The following EPS8 variants were observed in gnomAD, a reference collection of about 807,000 sequenced individuals.
The protein encoded by EPS8 is epidermal growth factor receptor kinase substrate 8.
In EPS8, 42 loss-of-function variants were observed where a neutral mutation model predicts 103.8. The ratio of observed to expected loss-of-function variants is 0.40; its 90% CI spans 0.32 to 0.52. The LOEUF (loss-of-function observed/expected upper bound fraction) is 0.52. Ranked by LOEUF, EPS8 falls within the 20% of genes least tolerant of loss-of-function variation. The pLI, the probability that EPS8 is intolerant of heterozygous loss-of-function variation, is 0.40. For synonymous variants in EPS8, 344 were observed against 344.6 expected (o/e 1.00, Z 0.02); for missense variants, 969 against 1,005.1 (o/e 0.96, Z 0.49).
rs1031503644 is a variant in EPS8 at position 15,780,383 on chromosome 12, A to G, written c.-22+8778T>C. 1.3e-5 allele frequency among the ~76,000 whole-genome samples: 2 copies of G among 151,692 alleles called. No homozygotes were observed. The highest frequency in any genetic ancestry group is 4.8e-5 in the African/African-American group (2 of 41,256). On this transcript the variant is annotated intron_variant, in intron 1 of 20. Coordinates refer to ENST00000281172, the MANE Select transcript of EPS8 (RefSeq NM_004447.6). The surrounding 1 kb of genome is among the most constrained non-coding windows in gnomAD (Gnocchi z 4.1). ...ATGAGCGTCTCGCTTTGCCTCAAAA[A>G]TTCATTCTATGAGACTCAAACATCA...
chr12:15,636,393 T>A (rs1019827162), intron 17 of EPS8, among the ~76,000 whole-genome samples: 2 of 152,226 alleles, frequency 1.3e-5, no homozygotes, highest in Non-Finnish European at 2.9e-5. Context: ...AAAACTTTGC[T>A]GAAGCCATGG....
At chr12:15,758,165 T>C (rs183740377) in intron 1 of EPS8, among the ~76,000 whole-genome samples, 51 of 152,340 alleles carry the variant, frequency 3.3e-4, no homozygotes, top group Admixed American at 7.2e-4. Context: ...GTCAGTCACA[T>C]GCCCTTGTCC....
At chr12:15,628,987 T>C (rs1306456098) in intron 18 of EPS8, among the ~76,000 whole-genome samples, 2 of 152,206 alleles carry the variant, frequency 1.3e-5, no homozygotes, top group East Asian at 3.8e-4. Context: ...TAAAAAGAAA[T>C]ATATTTATTT....
intron 1 of EPS8, among the ~76,000 whole-genome samples, chr12:15,689,255 C>A (rs940088771): frequency 6.6e-6 from 1 of 151,648 alleles, no homozygotes; most frequent in Non-Finnish European, 1.5e-5. Flanking sequence ...ATCAACTCTT[C>A]TTAAAATAAG....
At chr12:15,726,144 C>A (rs1390965379) in intron 1 of EPS8, among the ~76,000 whole-genome samples, 1 of 152,034 alleles carries the variant, frequency 6.6e-6, no homozygotes, top group East Asian at 1.9e-4. Context: ...GAGCTGATAT[C>A]TGAGGACTAT....
In EPS8 at chr12:15,655,599, G is replaced by C. The variant is rs530031876; in HGVS notation, c.1102-1306C>G. On this transcript the variant is annotated intron_variant, in intron 12 of 20. Coordinates refer to ENST00000281172, the MANE Select transcript of EPS8 (RefSeq NM_004447.6). ...ACAGTAATTTTTAACTTCCAACCTC[G>C]AACGCATTTCCAATAAATATGTAGC... Among the ~76,000 whole-genome samples the C allele has an allele frequency of 7.9e-5, 12 of 152,092 alleles. No homozygotes were observed. The South Asian group carries it at 2.5e-3, about 32-fold the overall frequency.
chr12:15,718,692 G>C (rs562740107), intron 1 of EPS8, among the ~76,000 whole-genome samples: 7 of 152,234 alleles, frequency 4.6e-5, no homozygotes, highest in African/African-American at 1.7e-4. Context: ...CAGCTAGCTG[G>C]ACATGTTGGT....
chr12:15,639,042 A>G (rs2135749741), intron 17 of EPS8, among the ~76,000 whole-genome samples: 1 of 152,342 alleles, frequency 6.6e-6, no homozygotes, highest in South Asian at 2.1e-4. Context: ...GCTTATTCCT[A>G]GCAACCACAC....
intron 1 of EPS8, among the ~76,000 whole-genome samples, chr12:15,754,421 CA>C (rs1452782568): frequency 7.2e-5 from 11 of 151,946 alleles, no homozygotes; most frequent in African/African-American, 2.2e-4. Context: ...ATTTGAAATA[CA>C]GGGGGAAAAA....
At chr12:15,766,324 C>T (rs1422396681) in intron 1 of EPS8, among the ~76,000 whole-genome samples, 1 of 150,752 alleles carries the variant, frequency 6.6e-6, no homozygotes, top group Non-Finnish European at 1.5e-5. Flanking sequence ...CTAAAAAATA[C>T]AAAAAAATAC....
intron 2 of EPS8, among the ~76,000 whole-genome samples, chr12:15,682,173 T>C (rs752662512): frequency 6.6e-6 from 1 of 151,994 alleles, no homozygotes; most frequent in Non-Finnish European, 1.5e-5. Flanking sequence ...AATAGCACAG[T>C]GTCTGTGGAA....
At chr12:15,723,752 AG>A (rs1256695844) in intron 1 of EPS8, among the ~76,000 whole-genome samples, 2 of 152,156 alleles carry the variant, frequency 1.3e-5, no homozygotes, top group African/African-American at 4.8e-5. Context: ...ATACCTCCAT[AG>A]ATTATTCTAA....
chr12:15,692,693 T>C (rs1204491652), intron 1 of EPS8, among the ~76,000 whole-genome samples: 1 of 152,070 alleles, frequency 6.6e-6, no homozygotes, highest in Non-Finnish European at 1.5e-5. Context: ...GACCTCCTGG[T>C]CTAAGTCTCT....
intron 18 of EPS8, among the ~76,000 whole-genome samples, chr12:15,626,391 G>A (rs1382650650): frequency 1.3e-5 from 2 of 152,062 alleles, no homozygotes; most frequent in Non-Finnish European, 2.9e-5. Flanking sequence ...AGCACTTTGG[G>A]AGGCTGAGGC....
Position 15,620,303 on chromosome 12 carries a change from A to G in EPS8, c.*1014T>C, listed in dbSNP as rs1338986953. ...AACATTCTTACATAACATCTGTTTT[A>G]TATATGTGAAATAATATAACATTTA... On this transcript the variant is annotated 3_prime_UTR_variant, in exon 21 of 21. Transcript: ENST00000281172. 1.3e-5 allele frequency: 2 copies of G among 152,652 alleles called. No homozygotes were observed. The highest frequency in any genetic ancestry group is 6.6e-5 in the Admixed American group (1 of 15,260). 9.5% of individuals were successfully genotyped at this position (152,652 alleles called of 1,614,324 possible).
chr12:15,718,588 T>G (rs576877831), intron 1 of EPS8, among the ~76,000 whole-genome samples: 15 of 152,330 alleles, frequency 9.8e-5, no homozygotes, highest in South Asian at 2.1e-4. Context: ...AGATTTTACT[T>G]AGACTTTCCT....
chr12:15,654,292 A>G lies in EPS8; in HGVS notation c.1103T>C (p.Val368Ala), dbSNP rs775528246. ...TTCAGGACCTCCTGTTGCCTGCACC[A>G]CCTAAGATAATAAACCATTTTTTAG... ...VHFLFTPLNM[V>A]VQATGGPELA... is the part of the protein sequence containing the mutation. Residue 368 changes from valine (V) to alanine (A), a missense_variant and splice_region_variant, in exon 13 of 21, where the codon GTG becomes GCG. Physicochemically the swap from Val to Ala is moderately conservative, Grantham distance 64. Transcript: ENST00000281172. 6.2e-7 allele frequency: 1 copy of G among 1,612,246 alleles called. No individual in the cohort carries two copies. The highest frequency in any genetic ancestry group is 8.5e-7 in the Non-Finnish European group (1 of 1,179,344).
At chr12:15,654,752 A>G (rs1363333755) in intron 12 of EPS8, among the ~76,000 whole-genome samples, 1 of 152,166 alleles carries the variant, frequency 6.6e-6, no homozygotes, top group Admixed American at 6.5e-5. Flanking sequence ...GGCTGTGCCT[A>G]TACACACATA....
In EPS8 at chr12:15,752,058, A is replaced by T. The variant is rs1305296352; in HGVS notation, c.-22+37103T>A. On this transcript the variant is annotated intron_variant, in intron 1 of 20. Transcript: ENST00000281172. This position sits in a 1 kb window ranked among gnomAD's most constrained non-coding sequence, Gnocchi z 4.4. ...TTGAGAATTTCATCATACAAGCAAG[A>T]CAGAAGGCCAGTTATCAGACTGAGA... Among the ~76,000 whole-genome samples, 1 of 152,196 alleles carries T rather than the reference A, an allele frequency of 6.6e-6. No individual in the cohort carries two copies. The highest frequency in any genetic ancestry group is 1.5e-5 in the Non-Finnish European group (1 of 68,042).
Sources: allele counts gnomAD v4.1 joint callset (sites outside exome capture counted in the v4.1 genomes callset), GRCh38; gene constraint gnomAD v4.1.1; non-coding constraint Gnocchi (gnomAD v3.1); transcripts MANE v1.5; gene names NCBI Gene and HGNC (gene_info 2026-07-23, HGNC 2026-07-21).